The following GALNT17 variants were observed in gnomAD, a reference collection of about 807,000 sequenced individuals.
The protein encoded by GALNT17 is UDP-GalNAc:polypeptide N-acetylgalactosaminyltransferase-like 3.
GALNT17 carries 29 observed loss-of-function variants against 63.7 expected under a neutral mutation model. The observed-to-expected ratio is 0.46, with a 90% CI of 0.34 to 0.62. The LOEUF is 0.62. GALNT17 is among the 20% of genes least tolerant of loss of function. GALNT17 has a pLI of 0.01. For missense variants in GALNT17, 603 were observed against 799.6 expected, an observed-to-expected ratio of 0.75 and a Z score of 2.97; for synonymous variants, 305 against 318.3, an observed-to-expected ratio of 0.96 and a Z score of 0.45.
At chr7:71,498,382 T>C (rs1404210498) in intron 5 of GALNT17, among the ~76,000 whole-genome samples, 1 of 151,584 alleles carries the variant, frequency 6.6e-6, no homozygotes, top group South Asian at 2.1e-4. Flanking sequence ...GAGGCTGAGG[T>C]AGGAGAATCA....
rs1039354109 is a variant in GALNT17 at position 71,492,653 on chromosome 7, T to C, written c.962+71548T>C. 2.0e-5 allele frequency among the ~76,000 whole-genome samples: 3 copies of C among 152,338 alleles called. No individual in the cohort carries two copies. In the South Asian group the frequency reaches 6.2e-4, roughly 32 times the overall value. On this transcript the variant is annotated intron_variant, in intron 5 of 10. Coordinates refer to ENST00000333538, the MANE Select transcript of GALNT17 (RefSeq NM_022479.3). ...AAAAGTAAATTGGCCAAAGTACTCA[T>C]GTGAAAGTGAGCACGTCACTCCAGT...
intron 8 of GALNT17, among the ~76,000 whole-genome samples, chr7:71,671,647 C>G (rs758567702): frequency 1.3e-5 from 2 of 152,154 alleles, no homozygotes; most frequent in Non-Finnish European, 2.9e-5. Context: ...ATTCCCTCAT[C>G]TATAAAATGG....
intron 1 of GALNT17, among the ~76,000 whole-genome samples, chr7:71,198,140 G>T (rs1789092076): frequency 6.7e-6 from 1 of 149,630 alleles, no homozygotes; most frequent in South Asian, 2.1e-4. Context: ...GGAGGTTGCA[G>T]TGAGTTGAGA....
At chr7:71,275,475 C>T (rs1449907322) in intron 1 of GALNT17, among the ~76,000 whole-genome samples, 1 of 152,176 alleles carries the variant, frequency 6.6e-6, no homozygotes, top group African/African-American at 2.4e-5. Context: ...CTGTGATGGG[C>T]TTGTGTTTTA....
chr7:71,547,819 T>A (rs563249131), intron 5 of GALNT17, among the ~76,000 whole-genome samples: 1 of 152,316 alleles, frequency 6.6e-6, no homozygotes, highest in African/African-American at 2.4e-5. Context: ...AAGCTAATTG[T>A]TTTCCTTATT....
intron 5 of GALNT17, among the ~76,000 whole-genome samples, chr7:71,537,535 C>T (rs117813126): frequency 0.032 from 4,914 of 152,160 alleles, 87 homozygotes; most frequent in Middle Eastern, 0.082. Context: ...GAAGAGAGGC[C>T]AGGCACTGTG....
intron 1 of GALNT17, among the ~76,000 whole-genome samples, chr7:71,193,904 G>A (rs149897836): frequency 1.3e-4 from 20 of 152,232 alleles, no homozygotes; most frequent in East Asian, 3.9e-4. Flanking sequence ...ACTCTCTTTC[G>A]GGGCGTATTG....
At chr7:71,400,761 T>C (rs1421191307) in intron 3 of GALNT17, among the ~76,000 whole-genome samples, 1 of 152,214 alleles carries the variant, frequency 6.6e-6, no homozygotes, top group Non-Finnish European at 1.5e-5. Context: ...TATTTAATAT[T>C]TGGAAACACT....
At chr7:71,206,887 C>T (rs1027122473) in intron 1 of GALNT17, among the ~76,000 whole-genome samples, 3 of 152,062 alleles carry the variant, frequency 2.0e-5, no homozygotes, top group East Asian at 1.9e-4. Context: ...GGGCGGATCA[C>T]GAGGTCAGGA....
intron 5 of GALNT17, among the ~76,000 whole-genome samples, chr7:71,513,424 C>A (rs919174348): frequency 6.6e-6 from 1 of 151,644 alleles, no homozygotes; most frequent in African/African-American, 2.4e-5. Context: ...CCTGCTGTGT[C>A]GCCCAGGCTG....
At chr7:71,161,952 C>T (rs543007468) in intron 1 of GALNT17, among the ~76,000 whole-genome samples, 7 of 151,122 alleles carry the variant, frequency 4.6e-5, no homozygotes, top group Non-Finnish European at 1.0e-4. Flanking sequence ...CCTCCCCTCC[C>T]CTTTTCTTTT....
chr7:71,497,512 T>G (rs140035396), intron 5 of GALNT17, among the ~76,000 whole-genome samples: 1 of 152,314 alleles, frequency 6.6e-6, no homozygotes, highest in East Asian at 1.9e-4. Context: ...CGGCCCACTC[T>G]AATACCCTCA....
Position 71,132,679 on chromosome 7 carries a change from G to A in GALNT17, c.-124G>A. ...CGCCCGAGCATCCTTGAGGTGGGAC[G>A]AGCAGGGGCTTGGATCCCTGCCGGC... On this transcript the variant is annotated 5_prime_UTR_variant, in exon 1 of 11. Coordinates refer to ENST00000333538, the MANE Select transcript of GALNT17 (RefSeq NM_022479.3). 1 of 769,014 alleles carries A rather than the reference G, an allele frequency of 1.3e-6. No individual in the cohort carries two copies. Among genetic ancestry groups the A allele is most frequent in the East Asian group, 2.9e-5 (1 of 34,782 alleles). 47.6% of individuals were successfully genotyped at this position (769,014 alleles called of 1,614,324 possible). A position where few individuals can be genotyped will look rare whatever the true frequency, so the allele number is the denominator to read the frequency against.
intron 1 of GALNT17, among the ~76,000 whole-genome samples, chr7:71,329,452 C>CATA (rs1563007039): frequency 2.0e-5 from 3 of 152,152 alleles, no homozygotes; most frequent in Admixed American, 1.3e-4. Context: ...CGCAGCTTTA[C>CATA]AGTGGAGCGT....
intron 6 of GALNT17, among the ~76,000 whole-genome samples, chr7:71,611,613 G>C (rs1790126414): frequency 6.6e-6 from 1 of 152,016 alleles, no homozygotes; most frequent in Admixed American, 6.6e-5. Context: ...TGATGACAAA[G>C]AACTCTTGTC....
chr7:71,609,691 A>G (rs960414020), intron 6 of GALNT17, among the ~76,000 whole-genome samples: 2 of 152,110 alleles, frequency 1.3e-5, no homozygotes, highest in Non-Finnish European at 2.9e-5. Context: ...AGACAATCCA[A>G]TTACATTCTT....
At chr7:71,673,729 C>A (rs1348518668) in intron 8 of GALNT17, among the ~76,000 whole-genome samples, 1 of 152,182 alleles carries the variant, frequency 6.6e-6, no homozygotes, top group Non-Finnish European at 1.5e-5. Flanking sequence ...ATTCTCCCAC[C>A]TCAGCCTTCC....
intron 2 of GALNT17, among the ~76,000 whole-genome samples, chr7:71,344,885 C>T (rs1357225348): frequency 6.6e-6 from 1 of 152,064 alleles, no homozygotes; most frequent in Admixed American, 6.6e-5. Flanking sequence ...AGTGGGTGCA[C>T]TAGCTTGGGA....
At chr7:71,710,654 T>C in intron 9 of GALNT17, 107 bp from the exon 10 acceptor site, 1 of 1,299,732 alleles carries the variant, frequency 7.7e-7, no homozygotes, top group Non-Finnish European at 1.1e-6. Flanking sequence ...AGGACTGCAG[T>C]ATTGACAAAC....
Sources: gnomAD v4.1 joint callset for allele counts (sites outside exome capture counted in the v4.1 genomes callset) on GRCh38, gnomAD v4.1.1 for gene constraint, MANE v1.5 for transcripts, NCBI Gene and HGNC (gene_info 2026-07-23, HGNC 2026-07-21) for gene names.